The following SGCZ variants were observed in gnomAD, a reference collection of about 807,000 sequenced individuals.
SGCZ encodes sarcoglycan zeta.
A neutral mutation model predicts 41.3 loss-of-function variants in SGCZ; 40 were observed. The observed-to-expected ratio is 0.97, with a 90% CI of 0.75 to 1.26. The LOEUF is 1.26. Among genes scored for constraint, SGCZ ranks in the 50% most tolerant of loss-of-function variants. SGCZ has a pLI of 0.00. For missense variants in SGCZ, 552 were observed against 369.8 expected, an observed-to-expected ratio of 1.49 and a Z score of -4.04; for synonymous variants, 206 against 137.5, an observed-to-expected ratio of 1.50 and a Z score of -3.49.
intron 1 of SGCZ, among the ~76,000 whole-genome samples, chr8:15,034,855 C>A (rs1335937355): frequency 2.6e-5 from 4 of 152,044 alleles, no homozygotes; most frequent in Admixed American, 2.6e-4. Context: ...TTGTATCTGG[C>A]AAAAATATTC....
At chr8:14,732,300 C>G (rs1271412743) in intron 1 of SGCZ, among the ~76,000 whole-genome samples, 2 of 152,294 alleles carry the variant, frequency 1.3e-5, no homozygotes, top group African/African-American at 2.4e-5. Context: ...ATCCACCCTG[C>G]TAAGGAGGGG....
At chr8:14,995,896 A>G (rs1240144415) in intron 1 of SGCZ, among the ~76,000 whole-genome samples, 1 of 152,026 alleles carries the variant, frequency 6.6e-6, no homozygotes. Flanking sequence ...TTAAGAGGTC[A>G]GCACCATTTT....
intron 2 of SGCZ, among the ~76,000 whole-genome samples, chr8:14,552,894 T>C (rs1438620923): frequency 6.6e-6 from 1 of 152,192 alleles, no homozygotes; most frequent in Non-Finnish European, 1.5e-5. Flanking sequence ...GAATCAATGC[T>C]CCCTGAAGTG....
chr8:15,080,122 C>G (rs752146327), intron 1 of SGCZ, among the ~76,000 whole-genome samples: 1 of 152,044 alleles, frequency 6.6e-6, no homozygotes, highest in African/African-American at 2.4e-5. Flanking sequence ...TTATTTGATT[C>G]CTGGACGAGA....
At chr8:14,915,988 T>C (rs1245792785) in intron 1 of SGCZ, among the ~76,000 whole-genome samples, 2 of 152,180 alleles carry the variant, frequency 1.3e-5, no homozygotes, top group African/African-American at 4.8e-5. Flanking sequence ...AAAAAGTTTG[T>C]TGGGACTTTT....
rs1014513785 is a variant in SGCZ, at chr8:14,089,653, T to G, written c.*790A>C. Among the ~76,000 whole-genome samples the G allele has an allele frequency of 1.3e-5, 2 of 152,040 alleles. No homozygotes were observed. The highest frequency in any genetic ancestry group is 4.8e-5 in the African/African-American group (2 of 41,434). On this transcript the variant is annotated 3_prime_UTR_variant, in exon 8 of 8. Transcript: ENST00000382080. ...CTGTCTTATATTGCAATAGAGTAGATGTTTTGTTAAAAGCAAATACGTCAC... is the reference window on the plus strand; with the variant it reads ...CTGTCTTATATTGCAATAGAGTAGAGGTTTTGTTAAAAGCAAATACGTCAC...
chr8:14,384,534 T>C (rs1194723550), intron 2 of SGCZ, among the ~76,000 whole-genome samples: 1 of 152,202 alleles, frequency 6.6e-6, no homozygotes, highest in Non-Finnish European at 1.5e-5. Flanking sequence ...TAGCTATGTC[T>C]AATTACTTGT....
intron 1 of SGCZ, among the ~76,000 whole-genome samples, chr8:15,225,606 T>C (rs1391996334): frequency 6.6e-6 from 1 of 152,158 alleles, no homozygotes; most frequent in Non-Finnish European, 1.5e-5. Context: ...GTATATTGTG[T>C]TGCGGAGTGT....
chr8:14,143,097 G>A (rs1601428), intron 5 of SGCZ, among the ~76,000 whole-genome samples: 5,609 of 151,710 alleles, frequency 0.037, 324 homozygotes, highest in African/African-American at 0.13. Flanking sequence ...ATAGCATTTG[G>A]TGCTTAATAT....
At chr8:14,925,674 G>C (rs1799725249) in intron 1 of SGCZ, among the ~76,000 whole-genome samples, 1 of 152,186 alleles carries the variant, frequency 6.6e-6, no homozygotes, top group South Asian at 2.1e-4. Context: ...GCCAGATCCA[G>C]TGTGGCAAGG....
intron 2 of SGCZ, among the ~76,000 whole-genome samples, chr8:14,531,686 T>C (rs11203622): frequency 0.46 from 69,126 of 151,838 alleles, 15,924 homozygotes; most frequent in Middle Eastern, 0.61. Flanking sequence ...TAGATTCTTC[T>C]CTCTTTTTTT....
At chr8:15,138,238 A>G (rs752222345) in intron 1 of SGCZ, among the ~76,000 whole-genome samples, 2 of 152,200 alleles carry the variant, frequency 1.3e-5, no homozygotes, top group Non-Finnish European at 2.9e-5. Context: ...CTGTACTTCC[A>G]TTGTATCTAA....
intron 1 of SGCZ, among the ~76,000 whole-genome samples, chr8:14,928,669 G>C (rs1338319344): frequency 3.3e-5 from 5 of 152,088 alleles, no homozygotes. Context: ...TTATTCCATT[G>C]TATCTTTGTT....
At chr8:14,158,010 C>T (rs1803929130) in intron 5 of SGCZ, among the ~76,000 whole-genome samples, 1 of 152,100 alleles carries the variant, frequency 6.6e-6, no homozygotes. Flanking sequence ...GGTGAAACCC[C>T]CGTCTCTACT....
chr8:15,073,449 T>C (rs1163710054), intron 1 of SGCZ, among the ~76,000 whole-genome samples: 2 of 152,118 alleles, frequency 1.3e-5, no homozygotes, highest in Non-Finnish European at 2.9e-5. Context: ...TTAATGAAAA[T>C]GCAAGTCATG....
At chr8:14,260,952 T>C (rs1004099316) in intron 3 of SGCZ, among the ~76,000 whole-genome samples, 5 of 151,660 alleles carry the variant, frequency 3.3e-5, no homozygotes, top group African/African-American at 1.2e-4. Flanking sequence ...AGTTGTGGGG[T>C]GTGGGGAGTG....
intron 2 of SGCZ, among the ~76,000 whole-genome samples, chr8:14,379,567 C>A (rs951912961): frequency 6.6e-6 from 1 of 152,048 alleles, no homozygotes; most frequent in Non-Finnish European, 1.5e-5. Flanking sequence ...TTATAAAATT[C>A]ATGAAATCCA....
At chr8:15,052,634 C>A (rs1373764818) in intron 1 of SGCZ, among the ~76,000 whole-genome samples, 1 of 151,736 alleles carries the variant, frequency 6.6e-6, no homozygotes, top group African/African-American at 2.4e-5. Context: ...TCGTTTGGGA[C>A]ATATGACAGA....
At chr8:14,545,751 A>G (rs1172249566) in intron 2 of SGCZ, among the ~76,000 whole-genome samples, 5 of 152,198 alleles carry the variant, frequency 3.3e-5, no homozygotes, top group African/African-American at 9.6e-5. Flanking sequence ...CTATTGTACA[A>G]TATATCAAAC....
Sources: allele counts gnomAD v4.1 joint callset (sites outside exome capture counted in the v4.1 genomes callset), GRCh38; gene constraint gnomAD v4.1.1; transcripts MANE v1.5; gene names NCBI Gene and HGNC (gene_info 2026-07-23, HGNC 2026-07-21).